WLS: variants seen among roughly 807,000 people sequenced by gnomAD.
WLS encodes the protein Wnt ligand secretion mediator.
WLS carries 23 observed loss-of-function variants against 62.8 expected under a neutral mutation model. The ratio of observed to expected loss-of-function variants is 0.37; its 90% CI spans 0.26 to 0.52. The LOEUF (loss-of-function observed/expected upper bound fraction) is 0.52, where lower values mean the gene tolerates loss of function less well. Among genes scored for constraint, WLS ranks in the 20% least tolerant of loss-of-function variants. WLS has a pLI of 0.92. For synonymous variants in WLS, 246 were observed against 244.1 expected, an observed-to-expected ratio of 1.01 and a Z score of -0.07; for missense variants, 615 against 697.3, an observed-to-expected ratio of 0.88 and a Z score of 1.33.
chr1:68,148,330 A>G (rs2566789), intron 7 of WLS, 131 bp from the exon 8 acceptor site: 957,479 of 969,384 alleles, frequency 0.99, 473,094 homozygotes, highest in South Asian at 1. Flanking sequence ...ACATTACAGA[A>G]ATCCTAAAGA....
intron 11 of WLS, among the ~76,000 whole-genome samples, chr1:68,110,808 C>T (rs576878143): frequency 1.2e-4 from 18 of 151,810 alleles, no homozygotes; most frequent in Admixed American, 3.3e-4. Flanking sequence ...GTGGCTTATT[C>T]AATAAATGGT....
intron 11 of WLS, among the ~76,000 whole-genome samples, chr1:68,129,331 A>AAAG (rs772566225): frequency 7.8e-6 from 1 of 128,490 alleles, no homozygotes; most frequent in Non-Finnish European, 1.7e-5. Flanking sequence ...ACTAAACAAA[A>AAAG]CAAAAAACTA....
intron 6 of WLS, 98 bp downstream of exon 6, chr1:68,150,090 C>T (rs994217634): frequency 7.7e-7 from 1 of 1,293,714 alleles, no homozygotes. Flanking sequence ...TATTCTGTCT[C>T]ACCCACTGCT....
intron 2 of WLS, among the ~76,000 whole-genome samples, chr1:68,160,629 G>A (rs1186804212): frequency 2.0e-5 from 3 of 152,162 alleles, no homozygotes; most frequent in African/African-American, 7.2e-5. Flanking sequence ...AATGCTAAAT[G>A]TCTACGTTTA....
intron 9 of WLS, among the ~76,000 whole-genome samples, chr1:68,145,196 T>G (rs902084714): frequency 6.6e-6 from 1 of 152,142 alleles, no homozygotes; most frequent in Non-Finnish European, 1.5e-5. Flanking sequence ...TCTGTGCAGA[T>G]CTACTGCATA....
chr1:68,107,791 T>C (rs980494541), intron 11 of WLS, among the ~76,000 whole-genome samples: 8 of 152,102 alleles, frequency 5.3e-5, no homozygotes, highest in African/African-American at 1.9e-4. Flanking sequence ...ATGAGACATG[T>C]GGATAATCTA....
At chr1:68,113,136 T>C (rs1413931293) in intron 11 of WLS, among the ~76,000 whole-genome samples, 1 of 152,224 alleles carries the variant, frequency 6.6e-6, no homozygotes, top group Non-Finnish European at 1.5e-5. Flanking sequence ...TGAGACCATA[T>C]TGGCTGAAGC....
chr1:68,146,657 T>A (rs1646756273), intron 8 of WLS, among the ~76,000 whole-genome samples: 2 of 152,166 alleles, frequency 1.3e-5, no homozygotes, highest in Non-Finnish European at 2.9e-5. Context: ...GATGAAGGAC[T>A]ATTTGCAATC....
intron 11 of WLS, among the ~76,000 whole-genome samples, chr1:68,107,215 G>A (rs942266103): frequency 1.1e-4 from 17 of 151,458 alleles, no homozygotes; most frequent in African/African-American, 3.9e-4. Context: ...AGATCCTTTT[G>A]TATATAATTT....
chr1:68,158,733 C>T (rs1203730692), intron 3 of WLS, among the ~76,000 whole-genome samples: 1 of 152,150 alleles, frequency 6.6e-6, no homozygotes, highest in Non-Finnish European at 1.5e-5. Context: ...TAAACAGACT[C>T]CCAAGGTAGG....
rs1646313944 is a variant in WLS, at chr1:68,117,916, G to GA, written c.1511-19164dup. ...AAAATCATGCTAGGATAACTGTCTG[G>GA]AAAAAATATTTAATTGGTCTTCCAG... On this transcript the variant is annotated intron_variant, in intron 11 of 11. Coordinates refer to the WLS transcript ENST00000354777. 5.3e-5 allele frequency among the ~76,000 whole-genome samples: 8 copies of GA among 151,608 alleles called. No homozygotes were observed. In the South Asian group the frequency reaches 1.5e-3, roughly 28 times the overall value.
At chr1:68,124,693 C>T (rs1455308946), downstream of WLS, among the ~76,000 whole-genome samples, 1 of 152,136 alleles carries the variant, frequency 6.6e-6, no homozygotes. Flanking sequence ...TAGGAAAAGG[C>T]CTAGAGAGAA....
chr1:68,197,199 G>C (rs1316810814), intron 1 of WLS, among the ~76,000 whole-genome samples: 3 of 151,976 alleles, frequency 2.0e-5, no homozygotes, highest in African/African-American at 4.8e-5. Flanking sequence ...CTTAATAACA[G>C]AGAAGCTGAA....
intron 2 of WLS, among the ~76,000 whole-genome samples, chr1:68,190,773 G>C (rs1648246131): frequency 6.6e-6 from 1 of 152,128 alleles, no homozygotes; most frequent in African/African-American, 2.4e-5. Flanking sequence ...AATGTTTATA[G>C]GTGGCCAGGC....
At chr1:68,118,916 TATTAGATGTTCAACATATGCTTATTGA>T (rs529623039) in intron 11 of WLS, among the ~76,000 whole-genome samples, 311 of 107,936 alleles carry the variant, frequency 2.9e-3, no homozygotes, top group African/African-American at 9.8e-3. Flanking sequence ...CCTGGCCCAA[TATTAGATGTTCAACATATGCTTATTGA>T]ATGAATAATT....
intron 1 of WLS, among the ~76,000 whole-genome samples, chr1:68,226,955 T>G (rs1168890242): frequency 1.3e-5 from 2 of 152,190 alleles, no homozygotes. Flanking sequence ...AGGCCTGAAG[T>G]CTCAATCTGG....
intron 11 of WLS, among the ~76,000 whole-genome samples, chr1:68,108,358 A>T (rs553627973): frequency 7.2e-4 from 109 of 152,276 alleles, no homozygotes; most frequent in African/African-American, 2.5e-3. Context: ...TCATCTCTTA[A>T]AAGAGACCAA....
intron 1 of WLS, among the ~76,000 whole-genome samples, chr1:68,200,924 G>A (rs182833659): frequency 3.3e-5 from 5 of 152,204 alleles, no homozygotes; most frequent in East Asian, 1.9e-4. Flanking sequence ...GGGGAGGGTC[G>A]AAAAGAGGGA....
intron 11 of WLS, among the ~76,000 whole-genome samples, chr1:68,116,756 T>G (rs1210531608): frequency 6.6e-6 from 1 of 152,220 alleles, no homozygotes; most frequent in African/African-American, 2.4e-5. Context: ...ATAGGGGCTC[T>G]ATAAACAGTT....
Sources: gnomAD v4.1 joint callset for allele counts (sites outside exome capture counted in the v4.1 genomes callset) on GRCh38, gnomAD v4.1.1 for gene constraint, MANE v1.5 for transcripts, NCBI Gene and HGNC (gene_info 2026-07-23, HGNC 2026-07-21) for gene names.